ZNF79: variants seen among roughly 807,000 people sequenced by gnomAD.
ZNF79 encodes zinc finger protein 79.
Under a neutral mutation model 14.9 loss-of-function variants are expected in ZNF79, and 13 were observed. That is an observed-to-expected ratio of 0.87 (90% CI 0.57 to 1.38). ZNF79 has a LOEUF of 1.38. Among genes scored for constraint, ZNF79 ranks in the 40% most tolerant of loss-of-function variants. The pLI is 0.00. For synonymous variants in ZNF79, 223 were observed against 235.1 expected (o/e 0.95, Z 0.47); for missense variants, 631 against 630.6 (o/e 1.00, Z -0.01).
intron 1 of ZNF79, chr9:127,425,059 T>C (rs1833726766): frequency 3.3e-6 from 3 of 906,000 alleles, no homozygotes; most frequent in Non-Finnish European, 4.7e-6. Context: ...TTCTGAGTAT[T>C]GTACCACGTA....
intron 4 of ZNF79, among the ~76,000 whole-genome samples, chr9:127,438,447 C>T (rs1833987681): frequency 1.3e-5 from 2 of 152,200 alleles, no homozygotes; most frequent in African/African-American, 2.4e-5. Flanking sequence ...GGGCCGCCGC[C>T]CTGCAGGAGC....
intron 2 of ZNF79, among the ~76,000 whole-genome samples, chr9:127,433,373 C>T (rs1194314903): frequency 6.6e-6 from 1 of 152,148 alleles, no homozygotes; most frequent in African/African-American, 2.4e-5. Flanking sequence ...ATTCCCTGAG[C>T]TGGGAACAGA....
At position 127,444,662 on chromosome 9, in the gene ZNF79, C is replaced by T. The variant is rs767642521; in HGVS notation, c.962C>T (p.Thr321Met). 3.7e-6 allele frequency: 6 copies of T among 1,613,086 alleles called. No individual in the cohort carries two copies. Among genetic ancestry groups the T allele is most frequent in the South Asian group, 1.1e-5 (1 of 91,024 alleles). Residue 321 changes from threonine to methionine, a missense_variant, in exon 5 of 5, where the codon ACG becomes ATG. Transcript: ENST00000342483. ...GCCTTCCGTCACAGTGCAAACCTCA[C>T]GAACCATCAGAGGACTCACACCGGG... ...GKAFRHSANLTNHQRTHTGEK... is the reference protein window; with the variant it reads ...GKAFRHSANLMNHQRTHTGEK...
chr9:127,441,777 C>G (rs1834051608), intron 4 of ZNF79, among the ~76,000 whole-genome samples: 1 of 151,884 alleles, frequency 6.6e-6, no homozygotes, highest in Non-Finnish European at 1.5e-5. Flanking sequence ...AACCCTGTCT[C>G]TACTAAAAAT....
chr9:127,437,805 A>G (rs1833976551), intron 4 of ZNF79, among the ~76,000 whole-genome samples: 1 of 152,010 alleles, frequency 6.6e-6, no homozygotes, highest in African/African-American at 2.4e-5. Flanking sequence ...TTTTTAGGGC[A>G]TTAAAATACC....
intron 1 of ZNF79, among the ~76,000 whole-genome samples, chr9:127,425,767 A>G (rs1232524335): frequency 6.6e-6 from 1 of 152,060 alleles, no homozygotes; most frequent in Non-Finnish European, 1.5e-5. Context: ...TAATTTTTGT[A>G]TTTTTAGTAG....
chr9:127,440,708 T>G (rs976662060), intron 4 of ZNF79, among the ~76,000 whole-genome samples: 1 of 152,038 alleles, frequency 6.6e-6, no homozygotes, highest in African/African-American at 2.4e-5. Context: ...GGGAGGTCAG[T>G]TAGGAGGCGG....
chr9:127,442,791 G>T (rs567046666), intron 4 of ZNF79, among the ~76,000 whole-genome samples: 15 of 152,242 alleles, frequency 9.9e-5, no homozygotes, highest in African/African-American at 3.6e-4. Context: ...GAGCCCAGGA[G>T]GTCGAGGCTG....
At chr9:127,425,011 G>A (rs181275373) in intron 1 of ZNF79, 1 of 1,391,050 alleles carries the variant, frequency 7.2e-7, no homozygotes, top group Admixed American at 2.8e-5. Flanking sequence ...TAAAGAATTC[G>A]GGGGTCAAAA....
Position 127,428,880 on chromosome 9 carries a change from A to G in ZNF79, c.65A>G (p.Glu22Gly), listed in dbSNP as rs766058764. 1 of 1,605,652 alleles carries G rather than the reference A, an allele frequency of 6.2e-7. No homozygotes were observed. Among genetic ancestry groups the G allele is most frequent in the Admixed American group, 1.7e-5 (1 of 59,232 alleles). Residue 22 changes from glutamate to glycine, a missense_variant, in exon 2 of 5, where the codon GAG (glutamate) becomes GGG (glycine). Glu to Gly is a moderately conservative substitution (Grantham distance 98, BLOSUM62 -2). Coordinates refer to ENST00000342483, the MANE Select transcript of ZNF79 (RefSeq NM_007135.3). ...PALPQEENTG[E>G]EGMAAGLLTA... ...CTTCCCCAAGAGGAAAACACAGGAG[A>G]GGAAGGAATGGCTGCTGGTCTCCTC...
In ZNF79 at chr9:127,443,627, C is replaced by T. The variant is rs181457581; in HGVS notation, c.329-402C>T. ...ACCCTTATGAAAGGAGGTGGCTGGG[C>T]GCGGTGGCTCACGCCTGTAATCCCA... On this transcript the variant is annotated intron_variant, in intron 4 of 4. Transcript: ENST00000342483. Among the ~76,000 whole-genome samples, 415 of 152,042 alleles carry T rather than the reference C, an allele frequency of 2.7e-3. 4 individuals are homozygous for T. Among genetic ancestry groups the T allele is most frequent in the African/African-American group, 9.6e-3 (398 of 41,456 alleles).
intron 1 of ZNF79, among the ~76,000 whole-genome samples, chr9:127,427,913 T>C (rs535210355): frequency 1.1e-4 from 17 of 152,316 alleles, no homozygotes; most frequent in South Asian, 6.2e-4. Context: ...GCTTTTGGTG[T>C]CATATCTAAG....
intron 2 of ZNF79, among the ~76,000 whole-genome samples, chr9:127,430,648 C>T (rs535803906): frequency 5.3e-4 from 81 of 152,262 alleles, no homozygotes; most frequent in African/African-American, 1.6e-3. Context: ...TCCTGTTCCA[C>T]GTGTATATTT....
At position 127,444,662 on chromosome 9, in the gene ZNF79, C is replaced by G; in HGVS notation, c.962C>G (p.Thr321Arg). Residue 321 changes from threonine (T) to arginine (R), a missense_variant, in exon 5 of 5, where the codon ACG (threonine) becomes AGG (arginine). By Grantham distance (71) the Thr-to-Arg change is moderately conservative. Transcript: ENST00000342483. ...GKAFRHSANL[T>R]NHQRTHTGEK... ...GCCTTCCGTCACAGTGCAAACCTCA[C>G]GAACCATCAGAGGACTCACACCGGG... is the stretch of plus-strand genomic sequence containing the variant. 1 of 1,613,206 alleles carries G rather than the reference C, an allele frequency of 6.2e-7. No individual in the cohort carries two copies. The highest frequency in any genetic ancestry group is 1.1e-5 in the South Asian group (1 of 91,022).
At chr9:127,426,372 CTTTTTT>C (rs34029339) in intron 1 of ZNF79, among the ~76,000 whole-genome samples, 25 of 128,474 alleles carry the variant, frequency 1.9e-4, no homozygotes, top group Non-Finnish European at 3.1e-4. Context: ...TAATATGTGA[CTTTTTT>C]TTTTTTTTTT....
chr9:127,432,822 TTC>T, intron 2 of ZNF79, among the ~76,000 whole-genome samples: 1 of 152,226 alleles, frequency 6.6e-6, no homozygotes, highest in Admixed American at 6.5e-5. Context: ...CTCTTTGCAT[TTC>T]CTGCAGCTTT....
chr9:127,427,107 A>C (rs1039249084), intron 1 of ZNF79, among the ~76,000 whole-genome samples: 4 of 151,806 alleles, frequency 2.6e-5, no homozygotes, highest in African/African-American at 7.3e-5. Flanking sequence ...TATCTGTTCA[A>C]ATCTTTTGCC....
chr9:127,430,247 AT>A lies in ZNF79; in HGVS notation c.105+1336del, dbSNP rs202205572. Reference sequence around the variant, plus strand: ...TATTCTACCAAATCATTTCTAACACATTTTTTTTTCTTAAATAATTTCACCT... The same window carrying A: ...TATTCTACCAAATCATTTCTAACACATTTTTTTTCTTAAATAATTTCACCT... On this transcript the variant is annotated intron_variant, in intron 2 of 4. Coordinates refer to ENST00000342483, the MANE Select transcript of ZNF79 (RefSeq NM_007135.3). 8.2e-3 allele frequency among the ~76,000 whole-genome samples: 1,236 copies of A among 150,970 alleles called. 9 individuals are homozygous for A. The highest frequency in any genetic ancestry group is 0.041 in the South Asian group (196 of 4,770).
chr9:127,436,735 GA>G (rs1833953903), intron 4 of ZNF79, among the ~76,000 whole-genome samples: 1 of 152,194 alleles, frequency 6.6e-6, no homozygotes, highest in African/African-American at 2.4e-5. Flanking sequence ...AAACCACTTT[GA>G]GGTGACAACA....
Sources: gnomAD v4.1 joint callset for allele counts (sites outside exome capture counted in the v4.1 genomes callset) on GRCh38, gnomAD v4.1.1 for gene constraint, MANE v1.5 for transcripts, NCBI Gene and HGNC (gene_info 2026-07-23, HGNC 2026-07-21) for gene names.